USP49: variants seen among roughly 807,000 people sequenced by gnomAD.
USP49 encodes ubiquitin carboxyl-terminal hydrolase 49.
A neutral mutation model predicts 58.6 loss-of-function variants in USP49; 24 were observed. The ratio of observed to expected loss-of-function variants is 0.41; its 90% CI spans 0.30 to 0.58. The LOEUF (loss-of-function observed/expected upper bound fraction) is 0.58, where lower values mean the gene tolerates loss of function less well. Ranked by LOEUF, USP49 falls within the 20% of genes least tolerant of loss-of-function variation. The pLI, the probability that USP49 is intolerant of heterozygous loss-of-function variation, is 0.30. For missense variants in USP49, 703 were observed against 866.1 expected (o/e 0.81, Z 2.36); for synonymous variants, 408 against 365.1 (o/e 1.12, Z -1.34).
At chr6:41,870,079 G>A (rs1378979733) in intron 3 of USP49, among the ~76,000 whole-genome samples, 1 of 152,208 alleles carries the variant, frequency 6.6e-6, no homozygotes, top group Non-Finnish European at 1.5e-5. Context: ...CTCTTGGAAT[G>A]TATCAGAGAA....
chr6:41,851,506 T>G (rs1401720707), intron 3 of USP49, among the ~76,000 whole-genome samples: 1 of 152,174 alleles, frequency 6.6e-6, no homozygotes, highest in East Asian at 1.9e-4. Context: ...AGACCATGTA[T>G]GAAACCCTCA....
At chr6:41,836,142 TGGAA>T (rs1773723501) in intron 3 of USP49, among the ~76,000 whole-genome samples, 1 of 151,976 alleles carries the variant, frequency 6.6e-6, no homozygotes, top group Non-Finnish European at 1.5e-5. Flanking sequence ...TAGAGTAAGC[TGGAA>T]GGGAGTTGAA....
chr6:41,886,131 C>A (rs577931451), intron 2 of USP49, among the ~76,000 whole-genome samples: 8 of 152,290 alleles, frequency 5.3e-5, no homozygotes, highest in Admixed American at 2.0e-4. Context: ...ATTAACCTGA[C>A]CTTTGACCTC....
At chr6:41,870,661 C>T (rs1216212068) in intron 3 of USP49, among the ~76,000 whole-genome samples, 3 of 149,608 alleles carry the variant, frequency 2.0e-5, no homozygotes, top group South Asian at 2.1e-4. Flanking sequence ...CTTAGCCTCC[C>T]GAGTAGCTAG....
chr6:41,829,454 C>T lies in USP49; in HGVS notation c.-28-22443G>A, dbSNP rs556864371. 2.6e-5 allele frequency among the ~76,000 whole-genome samples: 4 copies of T among 152,216 alleles called. 1 individual carries two copies. In the South Asian group the frequency reaches 8.3e-4, roughly 32 times the overall value. On this transcript the variant is annotated intron_variant, in intron 3 of 7. Transcript: ENST00000682992. ...TCAGCCTCCCAAGTAGCTGGGATTA[C>T]AGGCATGCAACACAATGCCCGGCTA...
At position 41,791,980 on chromosome 6, in the gene USP49, G is replaced by T. The variant is rs553373175; in HGVS notation, c.*4553C>A. 6.6e-6 allele frequency: 1 copy of T among 152,212 alleles called. No individual in the cohort carries two copies. The highest frequency in any genetic ancestry group is 1.5e-5 in the Non-Finnish European group (1 of 68,034). 9.4% of individuals were successfully genotyped at this position (152,212 alleles called of 1,614,324 possible). On this transcript the variant is annotated 3_prime_UTR_variant, in exon 8 of 8. Transcript: ENST00000682992. Reference sequence around the variant, plus strand: ...CTTCACTTATTTAGTTCAGTAATGAGGCTGAGGGACCCAATTTTCAAGTGT... The same window carrying T: ...CTTCACTTATTTAGTTCAGTAATGATGCTGAGGGACCCAATTTTCAAGTGT...
At chr6:41,837,572 G>C (rs1773750242) in intron 3 of USP49, among the ~76,000 whole-genome samples, 1 of 152,086 alleles carries the variant, frequency 6.6e-6, no homozygotes, top group South Asian at 2.1e-4. Flanking sequence ...GACCCCAAAA[G>C]CAATTGCAGC....
intron 2 of USP49, among the ~76,000 whole-genome samples, chr6:41,890,433 C>G (rs115716218): frequency 0.013 from 1,987 of 151,294 alleles, 27 homozygotes; most frequent in South Asian, 0.062. Context: ...TATTAGGAGG[C>G]CAGGCGCGGT....
chr6:41,872,417 G>A (rs1242747796), intron 2 of USP49, among the ~76,000 whole-genome samples: 6 of 151,992 alleles, frequency 3.9e-5, no homozygotes, highest in Admixed American at 2.0e-4. Context: ...CTGCCTGGCC[G>A]CCGCCCCGTC....
At chr6:41,847,014 AAAC>A (rs1219960848) in intron 3 of USP49, among the ~76,000 whole-genome samples, 1 of 152,232 alleles carries the variant, frequency 6.6e-6, no homozygotes. Flanking sequence ...GAGATCCTGG[AAAC>A]AACAACCAGG....
intron 5 of USP49, among the ~76,000 whole-genome samples, chr6:41,802,894 C>A (rs1773045740): frequency 6.6e-6 from 1 of 152,158 alleles, no homozygotes; most frequent in Non-Finnish European, 1.5e-5. Context: ...CCGTATGACC[C>A]TCTCTGAAAT....
At position 41,802,460 on chromosome 6, in the gene USP49, A is replaced by ATTTTTTTTTTTTTTTTT. The variant is rs71545916; in HGVS notation, c.1561+1345_1561+1346insAAAAAAAAAAAAAAAAA. 4.2e-5 allele frequency among the ~76,000 whole-genome samples: 3 copies of ATTTTTTTTTTTTTTTTT among 71,388 alleles called. 1 individual carries two copies. Among genetic ancestry groups the ATTTTTTTTTTTTTTTTT allele is most frequent in the African/African-American group, 1.2e-4 (2 of 17,236 alleles). 46.8% of individuals were successfully genotyped at this position (71,388 alleles called of 152,430 possible). ...TATTTATTTATTTATTTATTTATTT[A>ATTTTTTTTTTTTTTTTT]TTTATTTATTTTTTATTTATTTTTT... On this transcript the variant is annotated intron_variant, in intron 5 of 7. Transcript: ENST00000682992.
chr6:41,869,990 T>C (rs1220801460), intron 3 of USP49, among the ~76,000 whole-genome samples: 1 of 152,156 alleles, frequency 6.6e-6, no homozygotes, highest in Non-Finnish European at 1.5e-5. Flanking sequence ...TACTCAGAGA[T>C]GAAGTCAAAA....
At position 41,795,480 on chromosome 6, in the gene USP49, C is replaced by T. The variant is rs971493907; in HGVS notation, c.*1053G>A. 1 of 152,226 alleles carries T rather than the reference C, an allele frequency of 6.6e-6. No individual in the cohort carries two copies. The highest frequency in any genetic ancestry group is 1.9e-4 in the East Asian group (1 of 5,182). The allele number at this position is 152,226 out of a possible 1,614,324, so 9.4% of individuals were successfully genotyped here. A position where few individuals can be genotyped will look rare whatever the true frequency, so the allele number is the denominator to read the frequency against. On this transcript the variant is annotated 3_prime_UTR_variant, in exon 8 of 8. Transcript: ENST00000682992. ...TGGTAATCAACTCTTCAGATATGTA[C>T]GAGGTGGACTCCTAAGCAGTTAACA...
intron 3 of USP49, among the ~76,000 whole-genome samples, chr6:41,846,239 C>T (rs1773919653): frequency 2.0e-5 from 3 of 152,094 alleles, no homozygotes; most frequent in South Asian, 4.1e-4. Flanking sequence ...AGCACTTGAA[C>T]CCGGGAGGTG....
At chr6:41,807,819 G>A (rs963162912) in intron 3 of USP49, among the ~76,000 whole-genome samples, 3 of 151,494 alleles carry the variant, frequency 2.0e-5, no homozygotes, top group Non-Finnish European at 4.4e-5. Context: ...TGTCACCCAG[G>A]ATGGAGTGTA....
chr6:41,894,694 AC>A (rs917636439), intron 1 of USP49, among the ~76,000 whole-genome samples: 1 of 150,886 alleles, frequency 6.6e-6, no homozygotes, highest in African/African-American at 2.4e-5. Context: ...ACCACCCGCT[AC>A]GAAGATTTCC....
At chr6:41,865,820 T>C (rs1774305329) in intron 3 of USP49, among the ~76,000 whole-genome samples, 1 of 149,336 alleles carries the variant, frequency 6.7e-6, no homozygotes, top group African/African-American at 2.5e-5. Flanking sequence ...TTTTTTTTTT[T>C]TCCCCCAGAG....
chr6:41,802,461 TTTATTTATTTTTTATTTA>T (rs1420100852), intron 5 of USP49, among the ~76,000 whole-genome samples: 6 of 77,224 alleles, frequency 7.8e-5, no homozygotes, highest in African/African-American at 2.8e-4. Context: ...TATTTATTTA[TTTATTTATTTTTTATTTA>T]TTTTTTTTTT....
Sources: gnomAD v4.1 joint callset for allele counts (sites outside exome capture counted in the v4.1 genomes callset) on GRCh38, gnomAD v4.1.1 for gene constraint, MANE v1.5 for transcripts, NCBI Gene and HGNC (gene_info 2026-07-23, HGNC 2026-07-21) for gene names.